CCDC93: variants seen among roughly 807,000 people sequenced by gnomAD.
The protein encoded by CCDC93 is CCC complex scaffolding subunit CCDC93.
CCDC93 carries 61 observed loss-of-function variants against 108.2 expected under a neutral mutation model. The observed-to-expected ratio is 0.56, with a 90% CI of 0.46 to 0.70. The LOEUF is 0.70. Among genes scored for constraint, CCDC93 ranks in the 30% least tolerant of loss-of-function variants. CCDC93 has a pLI of 0.00. For synonymous variants in CCDC93, 276 were observed against 260.4 expected, an observed-to-expected ratio of 1.06 and a Z score of -0.58; for missense variants, 685 against 764.2, an observed-to-expected ratio of 0.90 and a Z score of 1.22.
Position 118,013,738 on chromosome 2 carries a change from T to C in CCDC93, c.42+216A>G, listed in dbSNP as rs1230885973. On this transcript the variant is annotated intron_variant, in intron 1 of 23. Coordinates refer to ENST00000376300, the MANE Select transcript of CCDC93 (RefSeq NM_019044.5). Reference sequence around the variant, plus strand: ...GCGCCCCAAGAGACCCGGGAGCGGCTTAAGTTTGTCCTCACCCGCCCGCCG... The same window carrying C: ...GCGCCCCAAGAGACCCGGGAGCGGCCTAAGTTTGTCCTCACCCGCCCGCCG... Among the ~76,000 whole-genome samples, 3 of 151,088 alleles carry C rather than the reference T, an allele frequency of 2.0e-5. No homozygotes were observed. In the East Asian group the frequency reaches 5.9e-4, roughly 30 times the overall value.
At chr2:117,957,823 T>C (rs1679266144) in intron 12 of CCDC93, among the ~76,000 whole-genome samples, 1 of 152,204 alleles carries the variant, frequency 6.6e-6, no homozygotes, top group Non-Finnish European at 1.5e-5. Context: ...CTCTGTGACC[T>C]GAGGCTAGGT....
intron 6 of CCDC93, among the ~76,000 whole-genome samples, chr2:117,989,907 T>C (rs1034173845): frequency 1.6e-4 from 24 of 152,260 alleles, no homozygotes; most frequent in Non-Finnish European, 2.8e-4. Flanking sequence ...AAGAACACAC[T>C]GGACTGGTAA....
In CCDC93 at chr2:117,933,484, C is replaced by T. The variant is rs148470563; in HGVS notation, c.1728+2011G>A. On this transcript the variant is annotated intron_variant, in intron 22 of 23. Coordinates refer to ENST00000376300, the MANE Select transcript of CCDC93 (RefSeq NM_019044.5). ...TATTCCAGAGATCCAGAGACCTTAA[C>T]TCCTCTGAGTGAGGTCGAAATGCTG... Among the ~76,000 whole-genome samples the T allele has an allele frequency of 3.5e-3, 533 of 152,322 alleles. 2 individuals carry two copies. The highest frequency in any genetic ancestry group is 0.012 in the African/African-American group (500 of 41,578).
chr2:118,003,004 C>A (rs1170742887), intron 3 of CCDC93, among the ~76,000 whole-genome samples: 1 of 152,200 alleles, frequency 6.6e-6, no homozygotes, highest in Admixed American at 6.5e-5. Context: ...CGCCACAGCA[C>A]CCTAGACCAG....
At chr2:117,934,134 G>T (rs1378587360) in intron 22 of CCDC93, 1 of 152,296 alleles carries the variant, frequency 6.6e-6, no homozygotes, top group South Asian at 2.1e-4. Context: ...AATTCATGGA[G>T]TTTTTTCCTT....
chr2:117,986,722 A>G (rs1680331333), intron 6 of CCDC93, among the ~76,000 whole-genome samples: 1 of 152,170 alleles, frequency 6.6e-6, no homozygotes. Context: ...AACACATACG[A>G]TATAATCTCA....
intron 16 of CCDC93, 149 bp downstream of exon 16, chr2:117,946,662 A>G (rs1678881632): frequency 3.3e-6 from 2 of 614,532 alleles, no homozygotes; most frequent in Admixed American, 2.9e-5. Flanking sequence ...AGATGGATAC[A>G]AATCTAAGAA....
Position 118,013,954 on chromosome 2 carries a change from C to T in CCDC93, c.42G>A (p.Glu14=). 3.1e-6 allele frequency: 5 copies of T among 1,591,974 alleles called. No individual in the cohort carries two copies. The highest frequency in any genetic ancestry group is 4.3e-6 in the Non-Finnish European group (5 of 1,170,850). ...PRGPEGQGLP[E]VETREDEEQN... is the part of the protein sequence containing the mutation. ...TCAGGGAAGGAGGAGGCGTTCTTAC[C>T]TCCGGGAGACCCTGGCCCTCCGGCC... The change falls in exon 1 of 24, where the codon GAG becomes GAA. Residue 14 remains glutamate, a splice_region_variant and synonymous_variant. Transcript: ENST00000376300.
At chr2:117,992,354 C>A (rs1680500053) in intron 6 of CCDC93, among the ~76,000 whole-genome samples, 1 of 152,046 alleles carries the variant, frequency 6.6e-6, no homozygotes, top group African/African-American at 2.4e-5. Flanking sequence ...GGTGATCCTC[C>A]CACCTTAGCC....
chr2:117,957,252 A>C (rs1679250669), intron 12 of CCDC93, among the ~76,000 whole-genome samples: 3 of 152,200 alleles, frequency 2.0e-5, no homozygotes, highest in African/African-American at 4.8e-5. Context: ...TTGCTAATGC[A>C]ACTGAAGCAT....
At chr2:118,010,444 T>C (rs1156237185) in intron 1 of CCDC93, among the ~76,000 whole-genome samples, 2 of 152,134 alleles carry the variant, frequency 1.3e-5, no homozygotes, top group African/African-American at 4.8e-5. Flanking sequence ...CAATAAGATA[T>C]CCTGGTTCAC....
chr2:117,971,575 C>T (rs1348925113), intron 11 of CCDC93, among the ~76,000 whole-genome samples: 1 of 152,154 alleles, frequency 6.6e-6, no homozygotes, highest in Non-Finnish European at 1.5e-5. Context: ...ATCTTCCCAA[C>T]ACCTGTCAGA....
intron 23 of CCDC93, among the ~76,000 whole-genome samples, chr2:117,929,049 G>C (rs1678229255): frequency 7.3e-6 from 1 of 136,868 alleles, no homozygotes; most frequent in Non-Finnish European, 1.5e-5. Context: ...TCATAGTTGG[G>C]AATTGAACAA....
chr2:117,975,341 C>A (rs1395330890), intron 8 of CCDC93, 61 bp from the exon 9 acceptor site: 1 of 1,199,704 alleles, frequency 8.3e-7, no homozygotes, highest in Non-Finnish European at 1.2e-6. Flanking sequence ...AGAGAAAGGA[C>A]AATACTGACA....
intron 23 of CCDC93, among the ~76,000 whole-genome samples, chr2:117,926,412 C>T (rs10432589): frequency 0.021 from 3,149 of 151,806 alleles, 81 homozygotes; most frequent in African/African-American, 0.061. Context: ...ATCAAATAGA[C>T]GCAATAAAAA....
At chr2:118,000,633 G>C (rs1193384510) in intron 4 of CCDC93, 188 bp downstream of exon 4, 1 of 537,744 alleles carries the variant, frequency 1.9e-6, no homozygotes. Flanking sequence ...CATGAAACTA[G>C]AGTATATGCA....
intron 11 of CCDC93, among the ~76,000 whole-genome samples, chr2:117,969,231 TAG>T (rs1558787748): frequency 6.6e-6 from 1 of 152,164 alleles, no homozygotes; most frequent in Admixed American, 6.5e-5. Flanking sequence ...AGTGGCAATG[TAG>T]GAGAGGCTCA....
At chr2:117,950,266 A>G (rs967062565) in intron 13 of CCDC93, 1 of 985,252 alleles carries the variant, frequency 1.0e-6, no homozygotes, top group Non-Finnish European at 1.2e-6. Context: ...CTTAAAAAAG[A>G]TGTATCAATT....
In CCDC93 at chr2:117,978,040, A is replaced by C; in HGVS notation, c.621-10T>G. On this transcript the variant is annotated splice_polypyrimidine_tract_variant and intron_variant, in intron 7 of 23. Transcript: ENST00000376300. ...GCTAAATCCATATCTCCTGCAGGCC[A>C]CAAAAAAGGAGTTTAATTACTACTT... The C allele has an allele frequency of 6.2e-7, 1 of 1,613,334 alleles. No individual in the cohort carries two copies. The highest frequency in any genetic ancestry group is 8.5e-7 in the Non-Finnish European group (1 of 1,179,282).
Sources: gnomAD v4.1 joint callset for allele counts (sites outside exome capture counted in the v4.1 genomes callset) on GRCh38, gnomAD v4.1.1 for gene constraint, MANE v1.5 for transcripts, NCBI Gene and HGNC (gene_info 2026-07-23, HGNC 2026-07-21) for gene names.